The following HDAC8 variants were observed in gnomAD, a reference collection of about 807,000 sequenced individuals.
HDAC8 encodes the protein histone deacetylase 8, also known as histone deacetylase-like 1.
HDAC8 carries 1 observed loss-of-function variant against 32.2 expected under a neutral mutation model. The observed-to-expected ratio is 0.03, with a 90% CI of 0.01 to 0.15. HDAC8 has a LOEUF of 0.15. Among genes scored for constraint, HDAC8 ranks in the 10% least tolerant of loss-of-function variants. The pLI is 1.00. For synonymous variants in HDAC8, 108 were observed against 113.9 expected, an observed-to-expected ratio of 0.95 and a Z score of 0.33; for missense variants, 117 against 300.0, an observed-to-expected ratio of 0.39 and a Z score of 4.51.
intron 10 of HDAC8, among the ~76,000 whole-genome samples, chrX:72,342,376 G>A (rs1171716423): frequency 1.8e-5 from 2 of 112,368 alleles, no homozygotes; most frequent in African/African-American, 6.5e-5. Context: ...GGCCAAGGAG[G>A]CTAGGCCCAC....
intron 4 of HDAC8, among the ~76,000 whole-genome samples, chrX:72,560,780 C>T (rs1556118392): frequency 9.3e-6 from 1 of 107,719 alleles, no homozygotes; most frequent in African/African-American, 3.4e-5. Flanking sequence ...TTTTCAAATG[C>T]CTTTTCTGTG....
At chrX:72,467,816 G>A (rs781950399) in intron 7 of HDAC8, 5 of 609,738 alleles carry the variant, frequency 8.2e-6, no homozygotes, top group Non-Finnish European at 9.7e-6. Context: ...GATAGATTTG[G>A]GAGAAATTTA....
At chrX:72,493,225 T>A (rs2048921773) in intron 5 of HDAC8, among the ~76,000 whole-genome samples, 1 of 111,277 alleles carries the variant, frequency 9.0e-6, no homozygotes, top group Non-Finnish European at 1.9e-5. Flanking sequence ...TCATGAATAG[T>A]TAGACATGCT....
rs782039730 is a variant in HDAC8, at chrX:72,397,241, C to T, written c.1006-45403G>A. 3.6e-5 allele frequency among the ~76,000 whole-genome samples: 4 copies of T among 111,749 alleles called. No homozygotes were observed. In the East Asian group the frequency reaches 1.1e-3, roughly 31 times the overall value. On this transcript the variant is annotated intron_variant, in intron 9 of 10. Coordinates refer to ENST00000373573, the MANE Select transcript of HDAC8 (RefSeq NM_018486.3). Reference sequence around the variant, plus strand: ...GCAACACTGGGGATTACAATTCAAACTGAGATTTGAGTGCGGACAAATATT... The same window carrying T: ...GCAACACTGGGGATTACAATTCAAATTGAGATTTGAGTGCGGACAAATATT...
intron 9 of HDAC8, among the ~76,000 whole-genome samples, chrX:72,391,225 G>A (rs2045604202): frequency 1.8e-5 from 2 of 112,046 alleles, no homozygotes; most frequent in African/African-American, 3.2e-5. Context: ...CTGTGTTACT[G>A]AGGACTCAAA....
rs1007391582 is a variant in HDAC8, at chrX:72,448,504, C to G, written c.1005+13500G>C. 3.6e-5 allele frequency among the ~76,000 whole-genome samples: 4 copies of G among 111,916 alleles called. No homozygotes were observed. In the Admixed American group the frequency reaches 3.8e-4, roughly 11 times the overall value. ...CTCTAGAAGAAAACCTAGGCAATACCATTCAGGACATAGGCATGGGCAAAG... is the reference window on the plus strand; with the variant it reads ...CTCTAGAAGAAAACCTAGGCAATACGATTCAGGACATAGGCATGGGCAAAG... On this transcript the variant is annotated intron_variant, in intron 9 of 10. Coordinates refer to ENST00000373573, the MANE Select transcript of HDAC8 (RefSeq NM_018486.3).
At chrX:72,570,062 G>A (rs1229101156) in intron 2 of HDAC8, among the ~76,000 whole-genome samples, 1 of 111,936 alleles carries the variant, frequency 8.9e-6, no homozygotes, top group Admixed American at 9.5e-5. Flanking sequence ...GACTATACAG[G>A]CTACTACTAT....
At chrX:72,565,764 G>A (rs2051757789) in intron 4 of HDAC8, among the ~76,000 whole-genome samples, 1 of 111,637 alleles carries the variant, frequency 9.0e-6, no homozygotes, top group Admixed American at 9.6e-5. Flanking sequence ...TTCGTTCAGA[G>A]AAGCTTAGCT....
At chrX:72,340,369 C>G (rs185698338) in intron 10 of HDAC8, among the ~76,000 whole-genome samples, 14 of 111,490 alleles carry the variant, frequency 1.3e-4, no homozygotes, top group Admixed American at 1.2e-3. Context: ...TTCTTTTTCT[C>G]AGAGAAAAAT....
intron 5 of HDAC8, 124 bp downstream of exon 5, chrX:72,495,032 T>G: frequency 2.1e-6 from 1 of 473,894 alleles, no homozygotes. Context: ...CACTACCTAC[T>G]TTAAATTCTC....
intron 4 of HDAC8, among the ~76,000 whole-genome samples, chrX:72,526,302 T>A (rs1287480155): frequency 1.8e-5 from 2 of 110,077 alleles, no homozygotes; most frequent in Admixed American, 1.9e-4. Context: ...CTTGATTAAC[T>A]CCTATTTCTT....
chrX:72,354,275 T>G (rs1555949802), intron 9 of HDAC8, among the ~76,000 whole-genome samples: 1 of 112,361 alleles, frequency 8.9e-6, no homozygotes, highest in Admixed American at 9.4e-5. Context: ...CAATCAGATG[T>G]TATTCCCAGG....
chrX:72,495,366 T>A, intron 4 of HDAC8, 98 bp from the exon 5 acceptor site: 1 of 440,691 alleles, frequency 2.3e-6, no homozygotes, highest in Non-Finnish European at 3.8e-6. Flanking sequence ...TCCCCTAAAG[T>A]TCCCCCTTCT....
At chrX:72,550,549 A>G (rs904487899) in intron 4 of HDAC8, among the ~76,000 whole-genome samples, 3 of 110,713 alleles carry the variant, frequency 2.7e-5, no homozygotes, top group African/African-American at 9.9e-5. Context: ...ATACATGCAC[A>G]CACACACACA....
chrX:72,437,269 C>T (rs2046978057), intron 9 of HDAC8, among the ~76,000 whole-genome samples: 1 of 111,691 alleles, frequency 9.0e-6, no homozygotes, highest in African/African-American at 3.3e-5. Flanking sequence ...CAAGGGAAGC[C>T]ATGAGGGACT....
intron 4 of HDAC8, among the ~76,000 whole-genome samples, chrX:72,557,201 T>TCAAA (rs1839404141): frequency 9.0e-6 from 1 of 111,112 alleles, no homozygotes; most frequent in African/African-American, 3.3e-5. Flanking sequence ...AGACTCCACC[T>TCAAA]CAAACAAACA....
At chrX:72,364,345 T>G (rs1352540864) in intron 9 of HDAC8, among the ~76,000 whole-genome samples, 4 of 111,433 alleles carry the variant, frequency 3.6e-5, no homozygotes, top group Non-Finnish European at 7.5e-5. Context: ...TTGCAGGAGT[T>G]CGCGCCCTCT....
intron 10 of HDAC8, among the ~76,000 whole-genome samples, chrX:72,339,961 GCCTCTGA>G (rs2043844314): frequency 8.9e-6 from 1 of 111,981 alleles, no homozygotes; most frequent in Non-Finnish European, 1.9e-5. Context: ...CCACTTGTCT[GCCTCTGA>G]CCTGAATTAG....
intron 9 of HDAC8, among the ~76,000 whole-genome samples, chrX:72,408,042 T>C (rs781853396): frequency 6.5e-4 from 73 of 112,049 alleles, no homozygotes; most frequent in Non-Finnish European, 5.3e-4. Flanking sequence ...GTTTGACCAA[T>C]ATAAATATAT....
Sources: allele counts gnomAD v4.1 joint callset (sites outside exome capture counted in the v4.1 genomes callset), GRCh38; gene constraint gnomAD v4.1.1; transcripts MANE v1.5; gene names NCBI Gene and HGNC (gene_info 2026-07-23, HGNC 2026-07-21).